The following AXL variants were observed in gnomAD, a reference collection of about 807,000 sequenced individuals.
AXL encodes the protein tyrosine-protein kinase receptor UFO.
In AXL, 52 loss-of-function variants were observed where a neutral mutation model predicts 104.5. The ratio of observed to expected loss-of-function variants is 0.50; its 90% confidence interval spans 0.40 to 0.63. The LOEUF (loss-of-function observed/expected upper bound fraction) is 0.63, where lower values mean the gene tolerates loss of function less well. AXL is among the 20% of genes least tolerant of loss of function. The pLI, the probability that AXL is intolerant of heterozygous loss-of-function variation, is 0.00. For missense variants in AXL, 1,024 were observed against 1,188.5 expected (o/e 0.86, Z 2.04); for synonymous variants, 455 against 473.7 (o/e 0.96, Z 0.51).
rs772795448 is a variant in AXL, at chr19:41,242,875, CCT to C, written c.1313-7_1313-6del. 8 of 1,614,168 alleles carry C rather than the reference CCT, an allele frequency of 5.0e-6. No homozygotes were observed. In the South Asian group the frequency reaches 7.7e-5, roughly 16 times the overall value. ...CATCCATGACCTGTTCCTCATACCC[CCT>C]GATAGTGAAGGAACCTTCAACTCCT... On this transcript the variant is annotated splice_polypyrimidine_tract_variant and splice_region_variant and intron_variant, in intron 10 of 19. Coordinates refer to ENST00000301178, the MANE Select transcript of AXL (RefSeq NM_021913.5).
chr19:41,233,704 GCC>G (rs560555253), intron 6 of AXL, among the ~76,000 whole-genome samples: 2 of 147,220 alleles, frequency 1.4e-5, no homozygotes, highest in African/African-American at 4.9e-5. Context: ...CCAGAGAGGG[GCC>G]CCCTCTCTGG....
At chr19:41,231,372 C>G in intron 6 of AXL, 74 bp downstream of exon 6, 1 of 1,355,976 alleles carries the variant, frequency 7.4e-7, no homozygotes, top group African/African-American at 1.4e-5. Context: ...CATCCTCTCC[C>G]TGGGAACCCA....
intron 18 of AXL, 100 bp downstream of exon 18, chr19:41,256,711 A>T (rs761628606): frequency 4.6e-5 from 69 of 1,496,070 alleles, no homozygotes; most frequent in Non-Finnish European, 5.6e-5. Flanking sequence ...TCACAGGGAC[A>T]TGTGGGCTTC....
intron 19 of AXL, among the ~76,000 whole-genome samples, chr19:41,258,385 T>C (rs1217831934): frequency 1.3e-5 from 2 of 152,234 alleles, no homozygotes; most frequent in African/African-American, 2.4e-5. Flanking sequence ...ATGATTCCCA[T>C]TCTGCAGATA....
chr19:41,256,536 T>C lies in AXL; in HGVS notation c.2121T>C (p.Arg707=), dbSNP rs1231518511. The stretch of plus-strand genomic sequence containing the variant: ...ATGGGGACTACTACCGCCAGGGACG[T>C]ATCGCCAAGATGCCAGTCAAGTGGA... ...IYNGDYYRQG[R]IAKMPVKWIA... is the part of the protein sequence containing the mutation. Residue 707 remains arginine, a synonymous_variant, in exon 18 of 20, where the codon CGT becomes CGC. Coordinates refer to ENST00000301178, the MANE Select transcript of AXL (RefSeq NM_021913.5). 6.2e-7 allele frequency: 1 copy of C among 1,614,214 alleles called. No homozygotes were observed. Among genetic ancestry groups the C allele is most frequent in the South Asian group, 1.1e-5 (1 of 91,084 alleles).
intron 4 of AXL, among the ~76,000 whole-genome samples, chr19:41,227,677 G>A (rs548920346): frequency 2.6e-5 from 4 of 151,986 alleles, no homozygotes; most frequent in African/African-American, 7.2e-5. Context: ...TAGTAGAGAC[G>A]GGGGTTTCAC....
chr19:41,231,944 A>G (rs2033996583), intron 6 of AXL, among the ~76,000 whole-genome samples: 1 of 131,592 alleles, frequency 7.6e-6, no homozygotes, highest in Non-Finnish European at 1.6e-5. Context: ...AAAAAGAAAC[A>G]ACAACAAAAA....
Position 41,219,281 on chromosome 19 carries a change from C to A in AXL, c.-112C>A. 1 of 1,038,954 alleles carries A rather than the reference C, an allele frequency of 9.6e-7. No individual in the cohort carries two copies. Among genetic ancestry groups the A allele is most frequent in the Non-Finnish European group, 1.4e-6 (1 of 722,452 alleles). 64.4% of individuals were successfully genotyped at this position (1,038,954 alleles called of 1,614,324 possible). ...GGGCCTCCCCTGCCGCTGTGCCAGG[C>A]AGGCAGTGCCAAATCCGGGGAGCCT... On this transcript the variant is annotated 5_prime_UTR_variant, in exon 1 of 20. Transcript: ENST00000301178.
At chr19:41,221,821 A>G in intron 3 of AXL, 59 bp from the exon 4 acceptor site, 6 of 1,562,066 alleles carry the variant, frequency 3.8e-6, no homozygotes, top group Non-Finnish European at 5.2e-6. Context: ...CCTAGTGGTG[A>G]GTCAGGCATC....
intron 4 of AXL, 27 bp downstream of exon 4, chr19:41,222,083 C>G (rs146020099): frequency 6.7e-7 from 1 of 1,499,502 alleles, no homozygotes; most frequent in South Asian, 1.4e-5. Flanking sequence ...GGGTCAGCTC[C>G]GAATAGGGGG....
At chr19:41,254,141 G>T (rs201311078) in intron 17 of AXL, among the ~76,000 whole-genome samples, 1 of 151,340 alleles carries the variant, frequency 6.6e-6, no homozygotes, top group Non-Finnish European at 1.5e-5. Context: ...AGTGGCTCAC[G>T]CCTGTAATCC....
In AXL at chr19:41,221,246, G is replaced by T; in HGVS notation, c.409G>T (p.Gly137Cys). Reference sequence around the variant, plus strand: ...CCAGCCTGGCTATGTTGGGCTGGAGGGTGAGCTCTGGGGTCAGGGGTCCTG... The same window carrying T: ...CCAGCCTGGCTATGTTGGGCTGGAGTGTGAGCTCTGGGGTCAGGGGTCCTG... Reference protein sequence around the residue: ...VSQPGYVGLEGLPYFLEEPED... With the variant: ...VSQPGYVGLECLPYFLEEPED... Residue 137 changes from glycine to cysteine, a missense_variant and splice_region_variant, in exon 3 of 20, where the codon GGC (glycine) becomes TGC (cysteine). Transcript: ENST00000301178. 6.2e-7 allele frequency: 1 copy of T among 1,613,364 alleles called. No individual in the cohort carries two copies.
chr19:41,220,475 A>AGGG (rs1401396873), intron 1 of AXL, 161 bp from the exon 2 acceptor site: 6 of 623,486 alleles, frequency 9.6e-6, no homozygotes, highest in Admixed American at 3.0e-5. Context: ...CTCCTCTCAG[A>AGGG]GCCTCCGCCC....
At chr19:41,240,385 T>TGGAG (rs1038228687) in intron 10 of AXL, among the ~76,000 whole-genome samples, 2 of 150,890 alleles carry the variant, frequency 1.3e-5, no homozygotes, top group Non-Finnish European at 3.0e-5. Context: ...GGTGGATGGA[T>TGGAG]GGATGGATGG....
chr19:41,243,753 T>A (rs1188275393), intron 12 of AXL, 46 bp downstream of exon 12: 1 of 1,549,934 alleles, frequency 6.5e-7, no homozygotes. Context: ...ATCTAAAGGC[T>A]GTAGAGAATC....
Position 41,243,835 on chromosome 19 carries a change from C to T in AXL, c.1537+128C>T, listed in dbSNP as rs147846288. On this transcript the variant is annotated intron_variant, in intron 12 of 19. Transcript: ENST00000301178. Reference sequence around the variant, plus strand: ...GCCTTGGGATACTAGAATGTCAGAACCACAGACCCTAGAAATAACAGATTT... The same window carrying T: ...GCCTTGGGATACTAGAATGTCAGAATCACAGACCCTAGAAATAACAGATTT... 2.6e-3 allele frequency: 1,794 copies of T among 701,592 alleles called. 4 individuals carry two copies. Among genetic ancestry groups the T allele is most frequent in the Admixed American group, 4.5e-3 (184 of 41,106 alleles). The allele number at this position is 701,592 out of a possible 1,614,324, so 43.5% of individuals were successfully genotyped here.
chr19:41,239,440 C>G, intron 9 of AXL, 126 bp downstream of exon 9: 1 of 1,366,368 alleles, frequency 7.3e-7, no homozygotes, highest in Non-Finnish European at 9.9e-7. Flanking sequence ...TTACTGAGAG[C>G]TGCCCTCACT....
At chr19:41,258,573 C>G (rs1464197631) in intron 19 of AXL, among the ~76,000 whole-genome samples, 1 of 152,130 alleles carries the variant, frequency 6.6e-6, no homozygotes, top group Admixed American at 6.6e-5. Context: ...TGCCACCATG[C>G]CCAGCTAATT....
At chr19:41,248,331 G>A (rs994539090) in intron 12 of AXL, among the ~76,000 whole-genome samples, 183 bp from the exon 13 acceptor site, 1 of 152,382 alleles carries the variant, frequency 6.6e-6, no homozygotes, top group Non-Finnish European at 1.5e-5. Context: ...TTGAGGGAAG[G>A]TTCAGGGGGT....
Sources: gnomAD v4.1 joint callset for allele counts (sites outside exome capture counted in the v4.1 genomes callset) on GRCh38, gnomAD v4.1.1 for gene constraint, MANE v1.5 for transcripts, NCBI Gene and HGNC (gene_info 2026-07-23, HGNC 2026-07-21) for gene names.